Variants in GALNT14 observed in about 807,000 individuals in gnomAD.
GALNT14 encodes UDP-GalNAc:polypeptide N-acetylgalactosaminyltransferase 14.
A neutral mutation model predicts 77.5 loss-of-function variants in GALNT14; 60 were observed. The ratio of observed to expected loss-of-function variants is 0.77; its 90% CI spans 0.63 to 0.96. The LOEUF (loss-of-function observed/expected upper bound fraction) is 0.96, where lower values mean the gene tolerates loss of function less well. Among genes scored for constraint, GALNT14 ranks in the 40% least tolerant of loss-of-function variants. The probability of loss-of-function intolerance (pLI) is 0.00; values close to 1 mark genes in which losing one functional copy is unlikely to be tolerated. For synonymous variants in GALNT14, 280 were observed against 281.7 expected (o/e 0.99, Z 0.06); for missense variants, 710 against 731.0 (o/e 0.97, Z 0.33).
At chr2:31,038,741 T>G (rs1409758670) in intron 1 of GALNT14, among the ~76,000 whole-genome samples, 5 of 142,106 alleles carry the variant, frequency 3.5e-5, no homozygotes, top group African/African-American at 1.1e-4. Context: ...TTAGTGAGAT[T>G]CAGCAATTTT....
chr2:30,965,812 C>CA (rs1667970143), intron 3 of GALNT14, among the ~76,000 whole-genome samples: 1 of 92 alleles, frequency 0.011, no homozygotes, highest in Non-Finnish European at 0.022. Context: ...TGGGTGCTGA[C>CA]CCAGCCTGAT....
chr2:30,997,730 T>C (rs377554319), intron 1 of GALNT14, among the ~76,000 whole-genome samples: 2 of 152,260 alleles, frequency 1.3e-5, no homozygotes, highest in African/African-American at 4.8e-5. Context: ...TATATATTTA[T>C]GGGGTACAAT....
intron 1 of GALNT14, among the ~76,000 whole-genome samples, chr2:31,029,219 T>C (rs549650643): frequency 2.0e-5 from 3 of 152,194 alleles, no homozygotes; most frequent in Non-Finnish European, 2.9e-5. Context: ...AAGGAAAGGA[T>C]GGACAAGCTC....
intron 9 of GALNT14, among the ~76,000 whole-genome samples, chr2:30,937,570 G>A (rs1017865100): frequency 6.6e-6 from 1 of 151,970 alleles, no homozygotes; most frequent in Non-Finnish European, 1.5e-5. Context: ...CTTCCATGTC[G>A]CCCCCTCCAG....
chr2:31,094,935 C>T (rs539323120), intron 1 of GALNT14, among the ~76,000 whole-genome samples: 10 of 152,246 alleles, frequency 6.6e-5, no homozygotes, highest in African/African-American at 2.2e-4. Flanking sequence ...CAGGTCACAG[C>T]CACAAGATAG....
intron 3 of GALNT14, among the ~76,000 whole-genome samples, chr2:30,961,082 C>A (rs905327576): frequency 6.6e-6 from 1 of 152,228 alleles, no homozygotes; most frequent in Non-Finnish European, 1.5e-5. Flanking sequence ...GCAGTGTAGG[C>A]TCAGAGGCCA....
intron 1 of GALNT14, among the ~76,000 whole-genome samples, chr2:31,055,602 G>A (rs1220706915): frequency 3.3e-5 from 5 of 152,172 alleles, no homozygotes; most frequent in Non-Finnish European, 1.5e-5. Flanking sequence ...CTGGGTCCTG[G>A]AAGGAGCCCC....
At chr2:31,020,880 T>A (rs560749674) in intron 1 of GALNT14, among the ~76,000 whole-genome samples, 4 of 152,346 alleles carry the variant, frequency 2.6e-5, no homozygotes, top group Non-Finnish European at 4.4e-5. Flanking sequence ...TCCAGCAGCC[T>A]GCACATTTCT....
At chr2:30,895,401 T>C in the GALNT14 span, among the ~76,000 whole-genome samples, 1 of 152,090 alleles carries the variant, frequency 6.6e-6, no homozygotes, top group Non-Finnish European at 1.5e-5. Flanking sequence ...ACAAGGGTGC[T>C]ATGGGGACAC....
chr2:30,974,945 G>C (rs1184853505), intron 2 of GALNT14, among the ~76,000 whole-genome samples: 2 of 152,208 alleles, frequency 1.3e-5, no homozygotes, highest in East Asian at 3.9e-4. Flanking sequence ...AAGCTGGAGA[G>C]GAAAATGTCC....
At chr2:30,978,935 G>T (rs965171561) in intron 2 of GALNT14, among the ~76,000 whole-genome samples, 12 of 152,200 alleles carry the variant, frequency 7.9e-5, no homozygotes, top group African/African-American at 2.7e-4. Flanking sequence ...TGAGGGGCAA[G>T]CGGTCTTCCT....
chr2:30,954,108 C>G (rs976645587), intron 6 of GALNT14, among the ~76,000 whole-genome samples: 7 of 152,060 alleles, frequency 4.6e-5, no homozygotes, highest in East Asian at 1.9e-4. Flanking sequence ...GAGCCGTGGA[C>G]GAGGCCCCAC....
chr2:30,907,122 T>C (rs1277344981), downstream of GALNT14, among the ~76,000 whole-genome samples: 2 of 152,038 alleles, frequency 1.3e-5, no homozygotes, highest in Non-Finnish European at 2.9e-5. Flanking sequence ...GATCCAAAAT[T>C]GACACCCTAA....
chr2:30,913,207 A>G (rs1664478050), intron 13 of GALNT14, among the ~76,000 whole-genome samples: 1 of 152,108 alleles, frequency 6.6e-6, no homozygotes, highest in African/African-American at 2.4e-5. Flanking sequence ...TTTCTCCCCC[A>G]GGTTGTAAAA....
At position 30,932,825 on chromosome 2, in the gene GALNT14, T is replaced by A. The variant is rs142552433; in HGVS notation, c.932-631A>T. 1.6e-3 allele frequency among the ~76,000 whole-genome samples: 238 copies of A among 152,304 alleles called. 4 individuals carry two copies. In the East Asian group the frequency reaches 0.018, roughly 11 times the overall value. ...CACTGGGGAAGAGCCACCTGAATCA[T>A]AACCCAGGAGGAGAAAGTCTGTGCA... is the stretch of plus-strand genomic sequence containing the variant. On this transcript the variant is annotated intron_variant, in intron 9 of 14. Transcript: ENST00000349752.
At position 30,948,445 on chromosome 2, in the gene GALNT14, G is replaced by A. The variant is rs1174818147; in HGVS notation, c.655-2575C>T. 2.0e-5 allele frequency among the ~76,000 whole-genome samples: 3 copies of A among 152,214 alleles called. No individual in the cohort carries two copies. In the East Asian group the frequency reaches 5.8e-4, roughly 29 times the overall value. On this transcript the variant is annotated intron_variant, in intron 6 of 14. Transcript: ENST00000349752. ...TTATGGAGAAGACCTTGGGCCGTGT[G>A]GTACCAACTCAACTTGACCTCTGAA...
chr2:31,096,862 G>A (rs1462032222), intron 1 of GALNT14, among the ~76,000 whole-genome samples: 2 of 152,062 alleles, frequency 1.3e-5, no homozygotes, highest in Admixed American at 6.6e-5. Context: ...AAGTGAAGAG[G>A]CACAGCAATG....
At chr2:31,034,296 T>A (rs1247308789) in intron 1 of GALNT14, among the ~76,000 whole-genome samples, 2 of 152,226 alleles carry the variant, frequency 1.3e-5, no homozygotes, top group East Asian at 3.8e-4. Flanking sequence ...CCTTACTAAT[T>A]TTATTCTTTA....
chr2:30,894,130 G>A, the GALNT14 span, among the ~76,000 whole-genome samples: 1 of 152,138 alleles, frequency 6.6e-6, no homozygotes, highest in Non-Finnish European at 1.5e-5. Context: ...TTGCTGTGTG[G>A]CCTTTGATAA....
Sources: gnomAD v4.1 joint callset for allele counts (sites outside exome capture counted in the v4.1 genomes callset) on GRCh38, gnomAD v4.1.1 for gene constraint, MANE v1.5 for transcripts, NCBI Gene and HGNC (gene_info 2026-07-23, HGNC 2026-07-21) for gene names.